Variants in STXBP3 observed in about 807,000 individuals in gnomAD.
STXBP3 encodes syntaxin binding protein 3, also known as syntaxin-binding protein 3.
STXBP3 carries 41 observed loss-of-function variants against 85.7 expected under a neutral mutation model. That is an observed-to-expected ratio of 0.48 (90% CI 0.37 to 0.62). The LOEUF (loss-of-function observed/expected upper bound fraction) is 0.62, where lower values mean the gene tolerates loss of function less well. Among genes scored for constraint, STXBP3 ranks in the 20% least tolerant of loss-of-function variants. STXBP3 has a pLI of 0.00. For missense variants in STXBP3, 563 were observed against 703.1 expected, an observed-to-expected ratio of 0.80 and a Z score of 2.25; for synonymous variants, 229 against 231.7, an observed-to-expected ratio of 0.99 and a Z score of 0.10.
rs751400870 is a variant in STXBP3 at position 108,793,157 on chromosome 1, A to ATTTTTTTTTCTTTTTTTTTTTT, written c.964-416_964-415insCTTTTTTTTTTTTTTTTTTTTT. Reference sequence around the variant, plus strand: ...CTCACAGCCCCAAGCTCTTATCTCCATTTTTTTTTTTTTTTTTTTTTTTTT... The same window carrying ATTTTTTTTTCTTTTTTTTTTTT: ...CTCACAGCCCCAAGCTCTTATCTCCATTTTTTTTTCTTTTTTTTTTTTTTTTTTTTTTTTTTTTTTTTTTTTT... On this transcript the variant is annotated intron_variant, in intron 11 of 18. Coordinates refer to ENST00000370008, the MANE Select transcript of STXBP3 (RefSeq NM_007269.4). 1.8e-4 allele frequency among the ~76,000 whole-genome samples: 12 copies of ATTTTTTTTTCTTTTTTTTTTTT among 67,508 alleles called. 1 individual carries two copies. Among genetic ancestry groups the ATTTTTTTTTCTTTTTTTTTTTT allele is most frequent in the South Asian group, 5.4e-4 (1 of 1,836 alleles). The allele number at this position is 67,508 out of a possible 152,430, so 44.3% of individuals were successfully genotyped here.
Position 108,760,042 on chromosome 1 carries a change from G to C in STXBP3, c.395G>C (p.Arg132Thr). The part of the protein sequence containing the change: ...IKASCSKSIR[R>T]CKEINISFIP... The stretch of plus-strand genomic sequence containing the variant: ...GCTTCTTGCTCCAAGTCAATAAGAA[G>C]ATGTAAAGAAATAAATATTTCCTTC... The change falls in exon 6 of 19, where the codon AGA becomes ACA. Residue 132 changes from arginine to threonine, a missense_variant. Arg to Thr is a moderately conservative substitution (Grantham distance 71, BLOSUM62 -1). Coordinates refer to ENST00000370008, the MANE Select transcript of STXBP3 (RefSeq NM_007269.4). The C allele has an allele frequency of 6.4e-7, 1 of 1,574,382 alleles. No homozygotes were observed. The highest frequency in any genetic ancestry group is 8.6e-7 in the Non-Finnish European group (1 of 1,165,452).
intron 6 of STXBP3, among the ~76,000 whole-genome samples, chr1:108,762,447 T>A (rs1019885462): frequency 6.6e-6 from 1 of 152,150 alleles, no homozygotes; most frequent in Non-Finnish European, 1.5e-5. Flanking sequence ...GCATGGCCCT[T>A]ATGATCTAAG....
chr1:108,765,079 T>A (rs1292965842), intron 6 of STXBP3, among the ~76,000 whole-genome samples: 1 of 152,206 alleles, frequency 6.6e-6, no homozygotes, highest in African/African-American at 2.4e-5. Flanking sequence ...AGGGGTCCAG[T>A]TTCAGTCTTC....
Position 108,769,832 on chromosome 1 carries a change from T to C in STXBP3, c.439-2833T>C, listed in dbSNP as rs1570755701. ...CTACAACAAAGGTTTATTTCTCATT[T>C]GTGTTGTCCATTGTTGTTTGGCTGG... On this transcript the variant is annotated intron_variant, in intron 6 of 18. Coordinates refer to ENST00000370008, the MANE Select transcript of STXBP3 (RefSeq NM_007269.4). Among the ~76,000 whole-genome samples, 4 of 152,210 alleles carry C rather than the reference T, an allele frequency of 2.6e-5. No individual in the cohort carries two copies. In the East Asian group the frequency reaches 7.7e-4, roughly 29 times the overall value.
intron 6 of STXBP3, among the ~76,000 whole-genome samples, chr1:108,771,964 C>CTA: frequency 1.1e-4 from 1 of 8,980 alleles, no homozygotes; most frequent in Non-Finnish European, 1.7e-4. Flanking sequence ...ATATCTGTAT[C>CTA]ATATATAAAT....
chr1:108,766,626 G>A (rs1017281251), intron 6 of STXBP3, among the ~76,000 whole-genome samples: 3 of 152,116 alleles, frequency 2.0e-5, no homozygotes, highest in Non-Finnish European at 4.4e-5. Context: ...TAATATTAAT[G>A]CAATCTGAAT....
rs368384473 is a variant in STXBP3, at chr1:108,762,459, T to C, written c.438+2374T>C. ...TAGGCATGGCCCTTATGATCTAAGATGATTGTAAATTTTTTTTTTTTACTG... is the reference window on the plus strand; with the variant it reads ...TAGGCATGGCCCTTATGATCTAAGACGATTGTAAATTTTTTTTTTTTACTG... On this transcript the variant is annotated intron_variant, in intron 6 of 18. Coordinates refer to ENST00000370008, the MANE Select transcript of STXBP3 (RefSeq NM_007269.4). 7.9e-5 allele frequency among the ~76,000 whole-genome samples: 12 copies of C among 152,222 alleles called. No individual in the cohort carries two copies. In the East Asian group the frequency reaches 1.4e-3, roughly 17 times the overall value.
chr1:108,791,815 C>CATT (rs1217872785), intron 11 of STXBP3, among the ~76,000 whole-genome samples: 2 of 152,166 alleles, frequency 1.3e-5, no homozygotes, highest in Non-Finnish European at 1.5e-5. Context: ...CCCCTTAACT[C>CATT]AGTCCCCATC....
At chr1:108,758,422 GAAATA>G (rs1662063822) in intron 4 of STXBP3, 83 bp from the exon 5 acceptor site, 11 of 658,890 alleles carry the variant, frequency 1.7e-5, no homozygotes, top group Non-Finnish European at 2.3e-5. Flanking sequence ...TTTTGTCACT[GAAATA>G]AAATAATCTT....
At chr1:108,794,478 CTT>C (rs1404803137) in intron 12 of STXBP3, among the ~76,000 whole-genome samples, 2 of 152,190 alleles carry the variant, frequency 1.3e-5, no homozygotes, top group African/African-American at 4.8e-5. Flanking sequence ...ATGCCAGACA[CTT>C]GTAAAACCAT....
intron 6 of STXBP3, among the ~76,000 whole-genome samples, chr1:108,765,591 T>TTTTTTTA (rs796642937): frequency 8.2e-6 from 1 of 122,654 alleles, no homozygotes; most frequent in Non-Finnish European, 1.7e-5. Context: ...TTTTTTTTTT[T>TTTTTTTA]TGAGACGGAG....
intron 9 of STXBP3, chr1:108,781,105 T>C (rs1662708502): frequency 1.3e-5 from 2 of 152,186 alleles, no homozygotes; most frequent in Admixed American, 1.3e-4. Flanking sequence ...TGTTTACAGA[T>C]CACTTATAAG....
chr1:108,772,639 C>A, intron 6 of STXBP3, 26 bp from the exon 7 acceptor site: 2 of 1,355,004 alleles, frequency 1.5e-6, no homozygotes, highest in Non-Finnish European at 1.9e-6. Flanking sequence ...TCCAGATTAA[C>A]AGTGAGTTTT....
intron 9 of STXBP3, chr1:108,780,398 C>A (rs879462149): frequency 6.6e-6 from 1 of 151,892 alleles, no homozygotes; most frequent in Non-Finnish European, 1.5e-5. Context: ...CCCTGTAGGT[C>A]TCTAAACTTT....
At chr1:108,750,589 C>G (rs1352029590) in intron 1 of STXBP3, among the ~76,000 whole-genome samples, 1 of 152,154 alleles carries the variant, frequency 6.6e-6, no homozygotes, top group Non-Finnish European at 1.5e-5. Flanking sequence ...AACCAGTTCT[C>G]CAACTCTGGA....
At chr1:108,771,057 C>T (rs1662381735) in intron 6 of STXBP3, among the ~76,000 whole-genome samples, 1 of 151,636 alleles carries the variant, frequency 6.6e-6, no homozygotes. Flanking sequence ...AGATATAGGC[C>T]GATTTTGGTA....
At chr1:108,807,280 AATC>A in intron 17 of STXBP3, 118 bp from the exon 18 acceptor site, 1 of 925,304 alleles carries the variant, frequency 1.1e-6, no homozygotes, top group Non-Finnish European at 1.5e-6. Flanking sequence ...AAAAAAAAAA[AATC>A]AATGTAATTG....
chr1:108,805,074 A>C (rs1012508947), intron 17 of STXBP3, among the ~76,000 whole-genome samples: 3 of 152,210 alleles, frequency 2.0e-5, no homozygotes, highest in African/African-American at 7.2e-5. Flanking sequence ...GGATTTAATT[A>C]TCTTTATATC....
chr1:108,754,553 T>G (rs1012042201), intron 3 of STXBP3, among the ~76,000 whole-genome samples: 1 of 152,150 alleles, frequency 6.6e-6, no homozygotes, highest in Admixed American at 6.5e-5. Flanking sequence ...AAAAGTTCTG[T>G]GGAACTGCAG....
Sources: allele counts gnomAD v4.1 joint callset (sites outside exome capture counted in the v4.1 genomes callset), GRCh38; gene constraint gnomAD v4.1.1; transcripts MANE v1.5; gene names NCBI Gene and HGNC (gene_info 2026-07-23, HGNC 2026-07-21).